Variants in KLHL13 observed in about 807,000 individuals in gnomAD.
KLHL13 encodes kelch like family member 13.
A neutral mutation model predicts 37.1 loss-of-function variants in KLHL13; 10 were observed. The observed-to-expected ratio is 0.27, with a 90% CI of 0.17 to 0.46. The LOEUF (loss-of-function observed/expected upper bound fraction) is 0.46, where lower values mean the gene tolerates loss of function less well. KLHL13 is among the 20% of genes least tolerant of loss of function. KLHL13 has a pLI of 1.00. For missense variants in KLHL13, 360 were observed against 509.3 expected (o/e 0.71, Z 2.82); for synonymous variants, 163 against 181.2 (o/e 0.90, Z 0.81).
intron 2 of KLHL13, among the ~76,000 whole-genome samples, chrX:117,937,840 T>C (rs1032214199): frequency 8.9e-5 from 10 of 111,935 alleles, no homozygotes; most frequent in East Asian, 5.6e-4. Flanking sequence ...GAGTCAACTT[T>C]AGAATATTTT....
intron 1 of KLHL13, among the ~76,000 whole-genome samples, chrX:118,025,638 A>G (rs949695581): frequency 8.9e-6 from 1 of 111,984 alleles, no homozygotes; most frequent in Admixed American, 9.5e-5. Context: ...GAAAGGGTCA[A>G]AGTTCTTGAC....
rs769138801 is a variant in KLHL13, at chrX:118,028,425, G to A, written c.-55-82850C>T. 6.9e-5 allele frequency: 76 copies of A among 1,107,655 alleles called. No individual in the cohort carries two copies. The South Asian group carries it at 9.4e-4, about 14-fold the overall frequency. 91.3% of individuals were successfully genotyped at this position (1,107,655 alleles called of 1,213,427 possible). On this transcript the variant is annotated intron_variant, in intron 1 of 6. Coordinates refer to the KLHL13 transcript ENST00000371882. ...GTTAAACTATTTCCATAAATATACC[G>A]GTTACGAAGTATTGCAGCAACCAAT...
intron 1 of KLHL13, among the ~76,000 whole-genome samples, chrX:117,955,557 T>C (rs930729538): frequency 3.1e-4 from 34 of 111,317 alleles, no homozygotes; most frequent in African/African-American, 9.8e-4. Flanking sequence ...CAGTCATACG[T>C]TTTCAATATG....
At chrX:118,010,034 T>A (rs1359758726) in intron 1 of KLHL13, among the ~76,000 whole-genome samples, 25 of 109,664 alleles carry the variant, frequency 2.3e-4, no homozygotes, top group Admixed American at 5.9e-4. Context: ...TCAAAACCAC[T>A]ATGAGATACC....
intron 1 of KLHL13, among the ~76,000 whole-genome samples, chrX:118,070,549 A>G (rs2054847026): frequency 9.0e-6 from 1 of 111,045 alleles, no homozygotes; most frequent in Admixed American, 9.6e-5. Context: ...CATACTTGTG[A>G]TAAGACATTT....
intron 1 of KLHL13, among the ~76,000 whole-genome samples, chrX:118,021,896 C>T (rs900446994): frequency 5.4e-5 from 6 of 111,603 alleles, no homozygotes; most frequent in African/African-American, 1.6e-4. Context: ...CTCTCCAGCA[C>T]CTGTTGTTTC....
intron 1 of KLHL13, among the ~76,000 whole-genome samples, chrX:118,105,004 T>C (rs193042794): frequency 1.5e-4 from 17 of 112,468 alleles, no homozygotes; most frequent in Admixed American, 6.6e-4. Context: ...AGTAAAAAGA[T>C]TGTCAATTTG....
Position 117,918,524 on chromosome X carries a change from T to C in KLHL13, c.570+997A>G, listed in dbSNP as rs906294068. 3.6e-5 allele frequency among the ~76,000 whole-genome samples: 4 copies of C among 111,468 alleles called. 1 individual carries two copies. Among genetic ancestry groups the C allele is most frequent in the African/African-American group, 1.3e-4 (4 of 30,705 alleles). Reference sequence around the variant, plus strand: ...TTAGAAAATATACCAAAAATTAATATTGCCAGAATTCTTAATCAGAAAAAC... The same window carrying C: ...TTAGAAAATATACCAAAAATTAATACTGCCAGAATTCTTAATCAGAAAAAC... On this transcript the variant is annotated intron_variant, in intron 4 of 6. Transcript: ENST00000262820.
intron 2 of KLHL13, among the ~76,000 whole-genome samples, chrX:117,921,747 C>A (rs1931716402): frequency 8.9e-6 from 1 of 111,952 alleles, no homozygotes; most frequent in Non-Finnish European, 1.9e-5. Flanking sequence ...GTAGTATAAA[C>A]CCTAGTTAAG....
In KLHL13 at chrX:117,956,670, C is replaced by A. The variant is rs150043901; in HGVS notation, c.99-11095G>T. The stretch of plus-strand genomic sequence containing the variant: ...CAGTCCTTTAAACCAGTGTTTCACA[C>A]CCCAAACTATAATTTCTGACTCTCA... On this transcript the variant is annotated intron_variant, in intron 1 of 6. Coordinates refer to ENST00000262820, the Ensembl canonical transcript of KLHL13. 9.2e-3 allele frequency among the ~76,000 whole-genome samples: 1,030 copies of A among 111,903 alleles called. 17 individuals are homozygous for A. The highest frequency in any genetic ancestry group is 0.031 in the African/African-American group (954 of 30,853).
rs1434422878 is a variant in KLHL13, at chrX:117,964,108, G to A, written c.98+8623C>T. Among the ~76,000 whole-genome samples, 192 of 99,068 alleles carry A rather than the reference G, an allele frequency of 1.9e-3. 1 individual carries two copies. The highest frequency in any genetic ancestry group is 3.2e-3 in the Non-Finnish European group (158 of 49,102). 86.0% of individuals were successfully genotyped at this position (99,068 alleles called of 115,157 possible). On this transcript the variant is annotated intron_variant, in intron 1 of 6. Transcript: ENST00000262820. Reference sequence around the variant, plus strand: ...CCTAATGCTAGATGACACGTTAGTGGGTGCAGCGCACCAGCATGGCACATG... The same window carrying A: ...CCTAATGCTAGATGACACGTTAGTGAGTGCAGCGCACCAGCATGGCACATG...
exon 1 of KLHL13, chrX:117,973,565 G>C: frequency 1.1e-6 from 1 of 874,870 alleles, no homozygotes; most frequent in Non-Finnish European, 1.4e-6. Flanking sequence ...AATATAAACT[G>C]CTTCAGAACT....
chrX:117,899,595 CA>C (rs1929960851), intron 6 of KLHL13, among the ~76,000 whole-genome samples, 200 bp from the exon 8 acceptor site: 1 of 111,976 alleles, frequency 8.9e-6, no homozygotes, highest in Admixed American at 9.5e-5. Flanking sequence ...TCTTAAAGAA[CA>C]AAACAATTAC....
chrX:117,921,774 T>C (rs762511193), intron 2 of KLHL13, among the ~76,000 whole-genome samples: 1 of 112,462 alleles, frequency 8.9e-6, no homozygotes, highest in Non-Finnish European at 1.9e-5. Context: ...ATTTTAATTT[T>C]AAAGCTTTTT....
intron 1 of KLHL13, among the ~76,000 whole-genome samples, chrX:118,095,855 C>T (rs2055198959): frequency 8.9e-6 from 1 of 111,913 alleles, no homozygotes; most frequent in Non-Finnish European, 1.9e-5. Flanking sequence ...AGAACAAAGA[C>T]ACAACATACC....
intron 1 of KLHL13, among the ~76,000 whole-genome samples, chrX:118,026,912 C>G (rs1268039857): frequency 6.3e-5 from 7 of 111,616 alleles, no homozygotes; most frequent in Non-Finnish European, 7.5e-5. Context: ...GGATCAAGAT[C>G]CTGAAGTATT....
At chrX:118,101,488 A>G (rs2055288356) in intron 1 of KLHL13, among the ~76,000 whole-genome samples, 1 of 111,766 alleles carries the variant, frequency 8.9e-6, no homozygotes, top group Admixed American at 9.5e-5. Flanking sequence ...GTCATGAACA[A>G]TACTATGGAA....
chrX:117,928,679 G>T (rs188827383), intron 2 of KLHL13, among the ~76,000 whole-genome samples: 6,393 of 111,345 alleles, frequency 0.057, 434 homozygotes, highest in African/African-American at 0.19. Flanking sequence ...AAATTGTGGA[G>T]TGCAGATGAA....
chrX:117,912,011 G>C (rs1437981231), intron 4 of KLHL13, among the ~76,000 whole-genome samples: 1 of 111,606 alleles, frequency 9.0e-6, no homozygotes, highest in Non-Finnish European at 1.9e-5. Context: ...TTTCTAACGT[G>C]GTTAATAAAA....
Sources: gnomAD v4.1 joint callset for allele counts (sites outside exome capture counted in the v4.1 genomes callset) on GRCh38, gnomAD v4.1.1 for gene constraint, MANE v1.5 for transcripts, NCBI Gene and HGNC (gene_info 2026-07-23, HGNC 2026-07-21) for gene names.